ATP8A2: variants seen among roughly 807,000 people sequenced by gnomAD.
ATP8A2 encodes the protein ATPase phospholipid transporting 8A2.
Under a neutral mutation model 165.6 loss-of-function variants are expected in ATP8A2, and 100 were observed. The observed-to-expected ratio is 0.60, with a 90% confidence interval of 0.51 to 0.71. The LOEUF (loss-of-function observed/expected upper bound fraction) is 0.71. ATP8A2 is among the 30% of genes least tolerant of loss of function. The pLI is 0.00. For missense variants in ATP8A2, 1,227 were observed against 1,479.5 expected, an observed-to-expected ratio of 0.83 and a Z score of 2.80; for synonymous variants, 543 against 548.8, an observed-to-expected ratio of 0.99 and a Z score of 0.15.
At chr13:25,511,357 C>T (rs555579468) in intron 2 of ATP8A2, among the ~76,000 whole-genome samples, 3 of 152,326 alleles carry the variant, frequency 2.0e-5, no homozygotes, top group East Asian at 1.9e-4. Flanking sequence ...CTCCACACCT[C>T]GCCATCTTCT....
At chr13:25,930,757 T>C (rs1407778469) in intron 33 of ATP8A2, among the ~76,000 whole-genome samples, 1 of 152,094 alleles carries the variant, frequency 6.6e-6, no homozygotes, top group Non-Finnish European at 1.5e-5. Context: ...GGATAACAAA[T>C]GAAGGCTCAG....
intron 28 of ATP8A2, among the ~76,000 whole-genome samples, chr13:25,834,983 C>CGTGT (rs61614959): frequency 0.031 from 4,702 of 149,608 alleles, 154 homozygotes; most frequent in East Asian, 0.17. Flanking sequence ...TGATCCCTAA[C>CGTGT]GTGTGTGTGT....
intron 33 of ATP8A2, among the ~76,000 whole-genome samples, chr13:25,876,933 G>A (rs1273354140): frequency 6.6e-6 from 1 of 151,970 alleles, no homozygotes; most frequent in Admixed American, 6.6e-5. Flanking sequence ...TTGGAAAATA[G>A]CTCATTATTG....
At chr13:25,996,083 A>T (rs534272448) in intron 35 of ATP8A2, among the ~76,000 whole-genome samples, 248 of 152,224 alleles carry the variant, frequency 1.6e-3, no homozygotes, top group Middle Eastern at 3.4e-3. Flanking sequence ...TCTAATATTA[A>T]TATAGTTACT....
intron 33 of ATP8A2, among the ~76,000 whole-genome samples, chr13:25,935,408 T>G (rs1412212930): frequency 6.6e-6 from 1 of 152,224 alleles, no homozygotes; most frequent in African/African-American, 2.4e-5. Flanking sequence ...TATAGTGTAA[T>G]TTTCTGATAC....
At chr13:25,615,155 G>A (rs60760204) in intron 24 of ATP8A2, among the ~76,000 whole-genome samples, 1 of 152,124 alleles carries the variant, frequency 6.6e-6, no homozygotes, top group Non-Finnish European at 1.5e-5. Context: ...AGACCATCAG[G>A]TGAGGGCAAG....
intron 24 of ATP8A2, among the ~76,000 whole-genome samples, chr13:25,609,435 A>G (rs1301830628): frequency 4.0e-5 from 6 of 150,124 alleles, no homozygotes; most frequent in Admixed American, 6.7e-5. Flanking sequence ...ATTACGTACA[A>G]TTTCTCTTAA....
intron 25 of ATP8A2, among the ~76,000 whole-genome samples, chr13:25,757,308 G>A (rs979218086): frequency 1.3e-5 from 2 of 152,148 alleles, no homozygotes; most frequent in East Asian, 1.9e-4. Context: ...GGACACACGC[G>A]TGCTTTCCTC....
intron 34 of ATP8A2, among the ~76,000 whole-genome samples, chr13:25,964,340 A>G (rs975143879): frequency 6.6e-6 from 1 of 152,222 alleles, no homozygotes; most frequent in Non-Finnish European, 1.5e-5. Flanking sequence ...CTCCTCAAAA[A>G]CAAGACATTT....
chr13:25,577,084 G>C lies in ATP8A2; in HGVS notation c.1728G>C (p.Met576Ile). The change falls in exon 20 of 37, where the codon ATG becomes ATC. Residue 576 changes from methionine to isoleucine, a missense_variant. Met to Ile is a conservative substitution (Grantham distance 10). This residue lies in a region of ATP8A2 where 592 missense variants were observed against 785.6 expected (regional missense o/e 0.75). Transcript: ENST00000381655. ...VLEFSSDRKR[M>I]SVIVRTPSGR... ...ACTCTCCCAGTGACAGAAAAAGAATGTCTGTAATTGTTCGAACTCCTTCAG... is the reference window on the plus strand; with the variant it reads ...ACTCTCCCAGTGACAGAAAAAGAATCTCTGTAATTGTTCGAACTCCTTCAG... 2 of 1,613,284 alleles carry C rather than the reference G, an allele frequency of 1.2e-6. No homozygotes were observed. Among genetic ancestry groups the C allele is most frequent in the Non-Finnish European group, 1.7e-6 (2 of 1,179,490 alleles).
chr13:25,930,112 T>C (rs1188172134), intron 33 of ATP8A2, among the ~76,000 whole-genome samples: 1 of 152,138 alleles, frequency 6.6e-6, no homozygotes, highest in Non-Finnish European at 1.5e-5. Context: ...CATAGGTCTT[T>C]GCCAGTCTGC....
chr13:25,808,211 C>T (rs114685710), intron 27 of ATP8A2, among the ~76,000 whole-genome samples: 1,528 of 151,330 alleles, frequency 0.01, 19 homozygotes, highest in African/African-American at 0.035. Context: ...CTCACTGAAG[C>T]TTTGACTTCT....
intron 25 of ATP8A2, among the ~76,000 whole-genome samples, chr13:25,727,675 A>G (rs1445590970): frequency 6.6e-6 from 1 of 152,238 alleles, no homozygotes; most frequent in Non-Finnish European, 1.5e-5. Flanking sequence ...GTTTTTCTAT[A>G]TAATATTTCA....
At chr13:25,867,945 G>C (rs1952561462) in intron 33 of ATP8A2, 2 of 211,444 alleles carry the variant, frequency 9.5e-6, no homozygotes, top group Middle Eastern at 9.5e-4. Flanking sequence ...CTTTTTATTT[G>C]ACAAGTAAAG....
At chr13:25,503,047 G>A (rs1470786593) in intron 2 of ATP8A2, among the ~76,000 whole-genome samples, 1 of 152,156 alleles carries the variant, frequency 6.6e-6, no homozygotes, top group African/African-American at 2.4e-5. Context: ...CCAAGCGGGG[G>A]CAGAATGTCC....
intron 33 of ATP8A2, among the ~76,000 whole-genome samples, chr13:25,961,094 C>T (rs1383524111): frequency 6.6e-6 from 1 of 152,198 alleles, no homozygotes; most frequent in East Asian, 1.9e-4. Flanking sequence ...AGGACTATAA[C>T]CTATTCATCT....
At chr13:25,637,960 G>C (rs1396588002) in intron 24 of ATP8A2, among the ~76,000 whole-genome samples, 2 of 152,188 alleles carry the variant, frequency 1.3e-5, no homozygotes, top group African/African-American at 4.8e-5. Flanking sequence ...AATATTCACT[G>C]TTCTACAGCC....
chr13:25,742,657 C>T (rs1015062292), intron 25 of ATP8A2, among the ~76,000 whole-genome samples: 8 of 87,578 alleles, frequency 9.1e-5, no homozygotes, highest in African/African-American at 4.9e-4. Context: ...CTCCACTTTT[C>T]TCTCTCTCTC....
At chr13:25,681,409 C>G (rs1419714175) in intron 24 of ATP8A2, among the ~76,000 whole-genome samples, 1 of 152,178 alleles carries the variant, frequency 6.6e-6, no homozygotes, top group East Asian at 1.9e-4. Context: ...ATAGTGTTTA[C>G]TTTAATTTTT....
Sources: gnomAD v4.1 joint callset for allele counts (sites outside exome capture counted in the v4.1 genomes callset) on GRCh38, gnomAD v4.1.1 for gene constraint, gnomAD v4.1.1 regional missense constraint, MANE v1.5 for transcripts, NCBI Gene and HGNC (gene_info 2026-07-23, HGNC 2026-07-21) for gene names.